Variants in EPHA5 observed in about 807,000 individuals in gnomAD.
The protein encoded by EPHA5 is EPH receptor A5.
A neutral mutation model predicts 105.0 loss-of-function variants in EPHA5; 60 were observed. That is an observed-to-expected ratio of 0.57 (90% CI 0.46 to 0.71). The LOEUF is 0.71. EPHA5 is among the 30% of genes least tolerant of loss of function. The pLI is 0.00. For synonymous variants in EPHA5, 513 were observed against 449.1 expected, an observed-to-expected ratio of 1.14 and a Z score of -1.80; for missense variants, 1,218 against 1,274.7, an observed-to-expected ratio of 0.96 and a Z score of 0.68.
At chr4:65,455,836 C>G (rs113492918) in intron 5 of EPHA5, among the ~76,000 whole-genome samples, 14 of 152,134 alleles carry the variant, frequency 9.2e-5, no homozygotes, top group African/African-American at 3.4e-4. Context: ...GCCCTGAACA[C>G]ATAGGATCGG....
intron 14 of EPHA5, among the ~76,000 whole-genome samples, chr4:65,336,589 G>A (rs1191566393): frequency 2.6e-5 from 4 of 152,154 alleles, no homozygotes; most frequent in South Asian, 2.1e-4. Flanking sequence ...GAGACTTTTC[G>A]ATGGTAAATG....
At chr4:65,479,063 A>AT (rs1454785685) in intron 5 of EPHA5, among the ~76,000 whole-genome samples, 1 of 152,014 alleles carries the variant, frequency 6.6e-6, no homozygotes, top group African/African-American at 2.4e-5. Flanking sequence ...TCTAAAACCT[A>AT]TTTTTTCCAT....
intron 3 of EPHA5, among the ~76,000 whole-genome samples, chr4:65,590,821 C>A (rs1295948560): frequency 6.6e-6 from 1 of 152,036 alleles, no homozygotes. Context: ...CTAATAAGGA[C>A]CTAGGATGTA....
At chr4:65,647,227 G>A (rs1422430485) in intron 1 of EPHA5, among the ~76,000 whole-genome samples, 1 of 150,920 alleles carries the variant, frequency 6.6e-6, no homozygotes, top group Non-Finnish European at 1.5e-5. Context: ...TACTCATGAG[G>A]CTGAGGCAGG....
intron 2 of EPHA5, among the ~76,000 whole-genome samples, chr4:65,632,023 AG>A (rs536087166): frequency 7.6e-4 from 115 of 152,072 alleles, no homozygotes; most frequent in Non-Finnish European, 1.5e-3. Flanking sequence ...AATATGGGTC[AG>A]GTATTGTGCT....
chr4:65,446,975 A>ATTTTTTTTTTTT (rs397993760), intron 5 of EPHA5, among the ~76,000 whole-genome samples: 9 of 112,916 alleles, frequency 8.0e-5, no homozygotes, highest in Non-Finnish European at 1.2e-4. Context: ...TTAAAAGCTC[A>ATTTTTTTTTTTT]TTTTTTTTTT....
At chr4:65,594,179 A>G (rs563345687) in intron 3 of EPHA5, among the ~76,000 whole-genome samples, 6 of 152,150 alleles carry the variant, frequency 3.9e-5, no homozygotes, top group Admixed American at 6.5e-5. Context: ...GCTTTTTGTG[A>G]GGTCTTTATA....
At chr4:65,366,514 C>T (rs1362452411) in intron 9 of EPHA5, among the ~76,000 whole-genome samples, 2 of 151,776 alleles carry the variant, frequency 1.3e-5, no homozygotes. Context: ...ACATATAAGT[C>T]AAAAGAAAGT....
At chr4:65,598,733 T>A (rs1413735289) in intron 3 of EPHA5, among the ~76,000 whole-genome samples, 1 of 152,152 alleles carries the variant, frequency 6.6e-6, no homozygotes, top group African/African-American at 2.4e-5. Flanking sequence ...GATTAGTGTA[T>A]GTTAGATACA....
intron 11 of EPHA5, among the ~76,000 whole-genome samples, chr4:65,355,712 C>T (rs1017362862): frequency 3.3e-5 from 5 of 151,558 alleles, no homozygotes; most frequent in Admixed American, 2.0e-4. Flanking sequence ...GGCATTATCC[C>T]ATCATTTGCC....
intron 11 of EPHA5, among the ~76,000 whole-genome samples, chr4:65,363,318 C>G (rs1348526812): frequency 6.6e-5 from 10 of 151,416 alleles, no homozygotes; most frequent in African/African-American, 2.4e-4. Context: ...GTATTCTCAC[C>G]CCATAGCATT....
chr4:65,412,516 T>A (rs1049054787), intron 7 of EPHA5, among the ~76,000 whole-genome samples: 3 of 152,144 alleles, frequency 2.0e-5, no homozygotes, highest in Admixed American at 2.0e-4. Context: ...AAAAAGTTTT[T>A]AAATATATTT....
chr4:65,667,875 G>A (rs925073191), intron 1 of EPHA5, among the ~76,000 whole-genome samples: 6 of 152,188 alleles, frequency 3.9e-5, no homozygotes, highest in Middle Eastern at 3.4e-3. Flanking sequence ...AAATTCAAAC[G>A]AGGATGCCCC....
chr4:65,591,616 A>ATTTT (rs1326189927), intron 3 of EPHA5, among the ~76,000 whole-genome samples: 74 of 140,620 alleles, frequency 5.3e-4, no homozygotes, highest in African/African-American at 1.3e-3. Context: ...TTTTTTTAAA[A>ATTTT]AAAAAGCTTC....
In EPHA5 at chr4:65,603,476, TAA is replaced by T. The variant is rs61048186; in HGVS notation, c.247-1174_247-1173del. ...GATTTCAGACATTAAGTATTGTAGA[TAA>T]AAAAAACTTCATAGACACTCATTTC... On this transcript the variant is annotated intron_variant, in intron 2 of 16. Transcript: ENST00000613740. 2.5e-4 allele frequency among the ~76,000 whole-genome samples: 38 copies of T among 151,778 alleles called. No individual in the cohort carries two copies. In the South Asian group the frequency reaches 7.9e-3, roughly 31 times the overall value.
chr4:65,643,476 T>C (rs4343775), intron 1 of EPHA5, 49 bp from the exon 2 acceptor site: 858,215 of 1,450,262 alleles, frequency 0.59, 254,991 homozygotes, highest in Middle Eastern at 0.7. Context: ...TTATCATGAA[T>C]ATTGTATCTC....
chr4:65,550,464 T>C (rs1024150658), intron 3 of EPHA5, among the ~76,000 whole-genome samples: 1 of 152,166 alleles, frequency 6.6e-6, no homozygotes, highest in Non-Finnish European at 1.5e-5. Context: ...GATCAAAATA[T>C]TATTTTTCTG....
chr4:65,627,195 G>A (rs564181928), intron 2 of EPHA5, among the ~76,000 whole-genome samples: 3 of 152,230 alleles, frequency 2.0e-5, no homozygotes, highest in Non-Finnish European at 4.4e-5. Flanking sequence ...ATTCAGAAAG[G>A]TTTTAAATGT....
chr4:65,637,375 C>G lies in EPHA5; in HGVS notation c.246+5988G>C, dbSNP rs1013478360. On this transcript the variant is annotated intron_variant, in intron 2 of 16. Coordinates refer to ENST00000613740, the MANE Select transcript of EPHA5 (RefSeq NM_001281766.3). ...GAGGAGTGTCGGGTAGTAAATAAGT[C>G]AAAGAGGAGAATTTGCATACTCTCC... 2.0e-5 allele frequency among the ~76,000 whole-genome samples: 3 copies of G among 151,220 alleles called. No homozygotes were observed. In the East Asian group the frequency reaches 5.9e-4, roughly 30 times the overall value.
Sources: allele counts gnomAD v4.1 joint callset (sites outside exome capture counted in the v4.1 genomes callset), GRCh38; gene constraint gnomAD v4.1.1; transcripts MANE v1.5; gene names NCBI Gene and HGNC (gene_info 2026-07-23, HGNC 2026-07-21).